Variants in CDIN1 observed in about 807,000 individuals in gnomAD.
The protein encoded by CDIN1 is CDAN1-interacting nuclease 1.
A neutral mutation model predicts 45.3 loss-of-function variants in CDIN1; 33 were observed. That is an observed-to-expected ratio of 0.73 (90% confidence interval 0.55 to 0.97). The LOEUF (loss-of-function observed/expected upper bound fraction) is 0.97, where lower values mean the gene tolerates loss of function less well. Ranked by LOEUF, CDIN1 falls within the 50% of genes least tolerant of loss-of-function variation. The pLI is 0.00. For missense variants in CDIN1, 303 were observed against 339.4 expected (o/e 0.89, Z 0.84); for synonymous variants, 118 against 124.4 (o/e 0.95, Z 0.34).
chr15:36,695,311 C>T (rs1047934846), intron 7 of CDIN1, among the ~76,000 whole-genome samples: 3 of 151,936 alleles, frequency 2.0e-5, no homozygotes, highest in Admixed American at 6.6e-5. Flanking sequence ...ACCAGGTTGA[C>T]GTTATCAGTG....
chr15:36,648,425 C>CCATTTT (rs2040433735), intron 3 of CDIN1, among the ~76,000 whole-genome samples: 1 of 58,314 alleles, frequency 1.7e-5, no homozygotes, highest in African/African-American at 6.7e-5. Flanking sequence ...TTCCAATATT[C>CCATTTT]TATTTTTTTT....
At chr15:36,749,948 C>T (rs1002619115) in intron 10 of CDIN1, among the ~76,000 whole-genome samples, 1 of 152,316 alleles carries the variant, frequency 6.6e-6, no homozygotes, top group East Asian at 1.9e-4. Context: ...TGCCTTTTAG[C>T]AGAGCCAGTA....
chr15:36,610,430 G>A (rs902371678), intron 1 of CDIN1, among the ~76,000 whole-genome samples: 2 of 152,184 alleles, frequency 1.3e-5, no homozygotes, highest in African/African-American at 4.8e-5. Flanking sequence ...ACGTAGTTGT[G>A]TAGTATATCA....
intron 1 of CDIN1, among the ~76,000 whole-genome samples, chr15:36,595,544 C>G (rs2037780437): frequency 6.6e-6 from 1 of 151,964 alleles, no homozygotes; most frequent in Non-Finnish European, 1.5e-5. Flanking sequence ...ATAGTCTGCC[C>G]TAATAATTGG....
chr15:36,582,938 A>G (rs2037116049), intron 1 of CDIN1, among the ~76,000 whole-genome samples: 1 of 151,562 alleles, frequency 6.6e-6, no homozygotes, highest in Non-Finnish European at 1.5e-5. Context: ...TGACCACTTA[A>G]TTTTCCTTTG....
chr15:36,776,415 A>C (rs1353600204), intron 10 of CDIN1, among the ~76,000 whole-genome samples: 1 of 152,202 alleles, frequency 6.6e-6, no homozygotes, highest in Admixed American at 6.5e-5. Context: ...TACCGTGTTG[A>C]TCAGGTGGAG....
chr15:36,740,599 T>A (rs1351205946), intron 10 of CDIN1, among the ~76,000 whole-genome samples: 2 of 152,072 alleles, frequency 1.3e-5, no homozygotes, highest in South Asian at 2.1e-4. Flanking sequence ...AATATCAAAA[T>A]TTTTATGGGC....
chr15:36,789,702 C>G (rs879018653), intron 10 of CDIN1, among the ~76,000 whole-genome samples: 40 of 152,292 alleles, frequency 2.6e-4, no homozygotes, highest in Admixed American at 2.4e-3. Context: ...AAATTATGCC[C>G]CACACATGAT....
chr15:36,692,674 C>T (rs968475062), intron 7 of CDIN1, among the ~76,000 whole-genome samples: 9 of 152,068 alleles, frequency 5.9e-5, no homozygotes, highest in South Asian at 4.1e-4. Flanking sequence ...CAATCTGAGC[C>T]GGCATTTGGA....
intron 1 of CDIN1, among the ~76,000 whole-genome samples, chr15:36,597,705 A>C (rs569072756): frequency 6.6e-6 from 1 of 152,216 alleles, no homozygotes; most frequent in Admixed American, 6.5e-5. Flanking sequence ...CCTGTTATTC[A>C]TCTAAAGTCA....
At chr15:36,635,591 T>TACTC (rs2039866321) in intron 1 of CDIN1, among the ~76,000 whole-genome samples, 1 of 152,134 alleles carries the variant, frequency 6.6e-6, no homozygotes, top group African/African-American at 2.4e-5. Flanking sequence ...TAATGAGAGA[T>TACTC]ACTCAGTTGC....
chr15:36,777,127 T>A (rs913408166), intron 10 of CDIN1, among the ~76,000 whole-genome samples: 2 of 152,172 alleles, frequency 1.3e-5, no homozygotes, highest in African/African-American at 4.8e-5. Context: ...ATGGGCACAT[T>A]TTTTAATAGT....
intron 1 of CDIN1, among the ~76,000 whole-genome samples, chr15:36,596,143 A>G (rs2037819152): frequency 6.6e-6 from 1 of 151,926 alleles, no homozygotes; most frequent in African/African-American, 2.4e-5. Flanking sequence ...AACAAAAAAT[A>G]TATTTAGTAG....
intron 10 of CDIN1, among the ~76,000 whole-genome samples, chr15:36,770,359 G>A (rs969018085): frequency 2.0e-5 from 3 of 151,266 alleles, no homozygotes; most frequent in Non-Finnish European, 4.4e-5. Flanking sequence ...AAGGAGGGAG[G>A]GAGAGAGAGA....
intron 10 of CDIN1, among the ~76,000 whole-genome samples, chr15:36,767,725 G>T (rs2053963911): frequency 6.6e-6 from 1 of 152,130 alleles, no homozygotes; most frequent in African/African-American, 2.4e-5. Flanking sequence ...TGTGCCCTTT[G>T]TTATTAGAAA....
chr15:36,643,836 A>T (rs2040206862), intron 1 of CDIN1, among the ~76,000 whole-genome samples: 1 of 152,200 alleles, frequency 6.6e-6, no homozygotes, highest in African/African-American at 2.4e-5. Context: ...TGAAACTGGG[A>T]TACCTGTAGA....
chr15:36,746,601 A>AAAAAC (rs1488241388), intron 10 of CDIN1, among the ~76,000 whole-genome samples: 1 of 151,868 alleles, frequency 6.6e-6, no homozygotes, highest in Non-Finnish European at 1.5e-5. Flanking sequence ...TTTCAAAAAC[A>AAAAAC]AAAACAAAAC....
intron 4 of CDIN1, among the ~76,000 whole-genome samples, chr15:36,657,553 A>G (rs2040828016): frequency 6.6e-6 from 1 of 152,106 alleles, no homozygotes. Flanking sequence ...AAAAAAGCCT[A>G]TTTCACTGTT....
intron 1 of CDIN1, chr15:36,626,604 G>T: frequency 3.5e-6 from 1 of 284,336 alleles, no homozygotes; most frequent in South Asian, 3.6e-5. Context: ...CTTGGATAAG[G>T]GGTCCAACTT....
Sources: gnomAD v4.1 joint callset for allele counts (sites outside exome capture counted in the v4.1 genomes callset) on GRCh38, gnomAD v4.1.1 for gene constraint, MANE v1.5 for transcripts, NCBI Gene and HGNC (gene_info 2026-07-23, HGNC 2026-07-21) for gene names.